The following FAM167A variants were observed in gnomAD, a reference collection of about 807,000 sequenced individuals.
The protein encoded by FAM167A is family with sequence similarity 167 member A, also known as protein FAM167A.
In FAM167A, 23 loss-of-function variants were observed where a neutral mutation model predicts 14.9. The ratio of observed to expected loss-of-function variants is 1.55; its 90% CI spans 1.11 to 2.19. The LOEUF (loss-of-function observed/expected upper bound fraction) is 2.19, where lower values mean the gene tolerates loss of function less well. FAM167A is among the 30% of genes most tolerant of loss of function. FAM167A has a pLI of 0.00. For synonymous variants in FAM167A, 174 were observed against 117.7 expected (o/e 1.48, Z -3.10); for missense variants, 401 against 281.5 (o/e 1.42, Z -3.04).
chr8:11,464,386 A>C (rs1178927308), intron 1 of FAM167A, among the ~76,000 whole-genome samples: 2 of 152,294 alleles, frequency 1.3e-5, no homozygotes, highest in East Asian at 3.9e-4. Context: ...TTGCAGAGCC[A>C]GTGAGGCTCA....
At chr8:11,436,045 G>A (rs577177326) in intron 2 of FAM167A, among the ~76,000 whole-genome samples, 1 of 152,318 alleles carries the variant, frequency 6.6e-6, no homozygotes, top group African/African-American at 2.4e-5. Context: ...GCTCAGGGCG[G>A]GTCCCCAGCC....
chr8:11,462,133 G>A (rs1291976006), intron 1 of FAM167A, among the ~76,000 whole-genome samples: 2 of 152,268 alleles, frequency 1.3e-5, no homozygotes, highest in South Asian at 2.1e-4. Flanking sequence ...CTTCCCTGCC[G>A]TGTCAGCTTG....
upstream of FAM167A, among the ~76,000 whole-genome samples, chr8:11,466,940 G>A (rs75313691): frequency 0.034 from 5,214 of 152,270 alleles, 313 homozygotes; most frequent in African/African-American, 0.12. Flanking sequence ...CAGCCCCCGC[G>A]AGTGGAGAGG....
intron 1 of FAM167A, among the ~76,000 whole-genome samples, chr8:11,465,990 C>T (rs907680856): frequency 7.2e-5 from 11 of 152,176 alleles, no homozygotes; most frequent in African/African-American, 2.4e-4. Flanking sequence ...CCTATACATC[C>T]AACCTAACTT....
chr8:11,455,283 T>TGTGTGA (rs1479250248), intron 1 of FAM167A, among the ~76,000 whole-genome samples: 3 of 134,172 alleles, frequency 2.2e-5, no homozygotes, highest in African/African-American at 5.8e-5. Context: ...TCTGTGTGTG[T>TGTGTGA]CTGGGGGGGG....
At chr8:11,435,840 GAATT>G (rs1563366671) in intron 2 of FAM167A, among the ~76,000 whole-genome samples, 2 of 152,310 alleles carry the variant, frequency 1.3e-5, no homozygotes, top group East Asian at 3.9e-4. Flanking sequence ...TCATTTATGA[GAATT>G]AAATAAGCCC....
chr8:11,435,034 C>A (rs560065892), intron 2 of FAM167A: 12 of 456,758 alleles, frequency 2.6e-5, no homozygotes, highest in East Asian at 6.9e-5. Context: ...TGCCTCCCCC[C>A]CTCACTCAAT....
intron 1 of FAM167A, among the ~76,000 whole-genome samples, chr8:11,460,185 G>C (rs1253558593): frequency 6.6e-6 from 1 of 152,262 alleles, no homozygotes; most frequent in East Asian, 1.9e-4. Flanking sequence ...GCCCTAGTGG[G>C]CTGCACCCGT....
chr8:11,469,309 G>A (rs532575587), upstream of FAM167A, among the ~76,000 whole-genome samples: 18 of 152,292 alleles, frequency 1.2e-4, no homozygotes, highest in East Asian at 1.9e-4. Context: ...ACAATGAATC[G>A]TTTTGTAATG....
In FAM167A at chr8:11,444,467, G is replaced by C; in HGVS notation, c.-56C>G. On this transcript the variant is annotated 5_prime_UTR_variant, in exon 2 of 3. Transcript: ENST00000284486. ...GAGGGCACGGGGGGCGCAGGGGGAGGCTTGGTGGGTGGCACAGTTGGGTCC... is the reference window on the plus strand; with the variant it reads ...GAGGGCACGGGGGGCGCAGGGGGAGCCTTGGTGGGTGGCACAGTTGGGTCC... 3 of 1,504,430 alleles carry C rather than the reference G, an allele frequency of 2.0e-6. No homozygotes were observed. The highest frequency in any genetic ancestry group is 1.4e-5 in the African/African-American group (1 of 71,462). The allele number at this position is 1,504,430 out of a possible 1,614,324, so 93.2% of individuals were successfully genotyped here. A position where few individuals can be genotyped will look rare whatever the true frequency, so the allele number is the denominator to read the frequency against.
At chr8:11,426,458 A>G (rs1563356281) in intron 2 of FAM167A, among the ~76,000 whole-genome samples, 1 of 152,190 alleles carries the variant, frequency 6.6e-6, no homozygotes, top group East Asian at 1.9e-4. Flanking sequence ...CTGTTAACAA[A>G]GAGATGTGAT....
At chr8:11,470,477 C>T (rs964784759), upstream of FAM167A, among the ~76,000 whole-genome samples, 10 of 152,238 alleles carry the variant, frequency 6.6e-5, no homozygotes, top group African/African-American at 2.2e-4. Flanking sequence ...GCAGGTGCTG[C>T]GGCAGAGCCC....
At chr8:11,467,833 G>T (rs1807832826), upstream of FAM167A, among the ~76,000 whole-genome samples, 1 of 152,248 alleles carries the variant, frequency 6.6e-6, no homozygotes, top group Non-Finnish European at 1.5e-5. Context: ...TTCACTGGAA[G>T]GTCCTCTGAG....
At chr8:11,433,071 G>A (rs1297489627) in intron 2 of FAM167A, among the ~76,000 whole-genome samples, 1 of 152,132 alleles carries the variant, frequency 6.6e-6, no homozygotes, top group Non-Finnish European at 1.5e-5. Context: ...TTGGGGGGTA[G>A]GGAGGGATAA....
At chr8:11,447,654 C>T (rs908153706) in intron 1 of FAM167A, among the ~76,000 whole-genome samples, 21 of 152,206 alleles carry the variant, frequency 1.4e-4, no homozygotes, top group African/African-American at 5.1e-4. Context: ...ACCTCCTGGT[C>T]ACAGGCAGGT....
intron 1 of FAM167A, among the ~76,000 whole-genome samples, chr8:11,449,379 A>G (rs1806929452): frequency 6.6e-6 from 1 of 152,204 alleles, no homozygotes; most frequent in Non-Finnish European, 1.5e-5. Context: ...GCCGGGGAAC[A>G]GATGCCAGCA....
chr8:11,448,391 G>A (rs1009557120), intron 1 of FAM167A, among the ~76,000 whole-genome samples: 1 of 152,166 alleles, frequency 6.6e-6, no homozygotes, highest in Non-Finnish European at 1.5e-5. Flanking sequence ...TCTACAGGAA[G>A]CCCTAGACAT....
At chr8:11,471,933 C>A (rs1416683848), upstream of FAM167A, among the ~76,000 whole-genome samples, 1 of 152,162 alleles carries the variant, frequency 6.6e-6, no homozygotes, top group Non-Finnish European at 1.5e-5. Flanking sequence ...ACAGGTGGGG[C>A]CTGAGGCCTC....
chr8:11,429,494 C>A (rs1805422838), intron 2 of FAM167A, among the ~76,000 whole-genome samples: 1 of 152,184 alleles, frequency 6.6e-6, no homozygotes. Flanking sequence ...CAACACAGCC[C>A]CGGCTGCAGC....
Sources: gnomAD v4.1 joint callset for allele counts (sites outside exome capture counted in the v4.1 genomes callset) on GRCh38, gnomAD v4.1.1 for gene constraint, MANE v1.5 for transcripts, NCBI Gene and HGNC (gene_info 2026-07-23, HGNC 2026-07-21) for gene names.